GRINA: variants seen among roughly 807,000 people sequenced by gnomAD.
GRINA encodes protein lifeguard 1.
Under a neutral mutation model 42.5 loss-of-function variants are expected in GRINA, and 26 were observed. That is an observed-to-expected ratio of 0.61 (90% confidence interval 0.45 to 0.85). GRINA has a LOEUF of 0.85. Among genes scored for constraint, GRINA ranks in the 40% least tolerant of loss-of-function variants. The probability of loss-of-function intolerance (pLI) is 0.00; values close to 1 mark genes in which losing one functional copy is unlikely to be tolerated. For synonymous variants in GRINA, 256 were observed against 204.2 expected, an observed-to-expected ratio of 1.25 and a Z score of -2.17; for missense variants, 475 against 481.5, an observed-to-expected ratio of 0.99 and a Z score of 0.13.
chr8:143,991,498 G>T lies in GRINA; in HGVS notation c.275G>T (p.Gly92Val). The change falls in exon 2 of 7, where the codon GGC becomes GTC. Residue 92 changes from glycine (G) to valine (V), a missense_variant. Coordinates refer to ENST00000395068, the MANE Select transcript of GRINA (RefSeq NM_001009184.2). ...GPYPQEGYPQ[G>V]PYPQGGYPQG... ...TACCCACAAGAGGGCTACCCACAGG[G>T]CCCCTACCCCCAAGGGGGCTACCCC... The T allele has an allele frequency of 2.0e-6, 3 of 1,536,424 alleles. No individual in the cohort carries two copies. Among genetic ancestry groups the T allele is most frequent in the Non-Finnish European group, 1.7e-6 (2 of 1,147,040 alleles).
chr8:143,992,896 C>G lies in GRINA; in HGVS notation c.*55C>G. On this transcript the variant is annotated 3_prime_UTR_variant, in exon 7 of 7. Transcript: ENST00000395068. ...GTGGCACGGCTGGCCTGGACCCTGC[C>G]CCTGGCACGGCAGTGCCAGCTGTAC... 6.5e-7 allele frequency: 1 copy of G among 1,534,966 alleles called. No homozygotes were observed. Among genetic ancestry groups the G allele is most frequent in the Non-Finnish European group, 8.9e-7 (1 of 1,123,308 alleles).
chr8:143,993,124 T>C lies in GRINA; in HGVS notation c.*283T>C. ...TACTCATTGTTGCATGAGCCCTGTC[T>C]GCCAGCCCACCCCAGGGACTGGGGG... On this transcript the variant is annotated 3_prime_UTR_variant, in exon 7 of 7. Coordinates refer to ENST00000395068, the MANE Select transcript of GRINA (RefSeq NM_001009184.2). 1 of 397,942 alleles carries C rather than the reference T, an allele frequency of 2.5e-6. No individual in the cohort carries two copies. Among genetic ancestry groups the C allele is most frequent in the Non-Finnish European group, 4.7e-6 (1 of 214,930 alleles). 24.7% of individuals were successfully genotyped at this position (397,942 alleles called of 1,614,324 possible).
rs1409445192 is a variant in GRINA, at chr8:143,991,785, G to A, written c.473G>A (p.Arg158Gln). ...ACCAACTGGGATGACAAGAGCATCC[G>A]ACAGGCCTTCATCCGCAAGGTGGGT... ...PATNWDDKSI[R>Q]QAFIRKVFLV... Residue 158 changes from arginine (R) to glutamine (Q), a missense_variant, in exon 3 of 7, where the codon CGA (arginine) becomes CAA (glutamine). Transcript: ENST00000395068. The A allele has an allele frequency of 1.1e-5, 18 of 1,612,964 alleles. No individual in the cohort carries two copies. Among genetic ancestry groups the A allele is most frequent in the Non-Finnish European group, 1.4e-5 (16 of 1,179,082 alleles).
At chr8:143,991,173 C>T (rs373039569) in intron 1 of GRINA, 27 bp from the exon 2 acceptor site, 2 of 1,385,164 alleles carry the variant, frequency 1.4e-6, no homozygotes, top group African/African-American at 1.5e-5. Context: ...GCCAACTGTT[C>T]CACTGTTCCT....
Position 143,991,286 on chromosome 8 carries a change from T to C in GRINA, c.63T>C (p.Tyr21=). The C allele has an allele frequency of 6.0e-6, 9 of 1,499,638 alleles. No individual in the cohort carries two copies. Among genetic ancestry groups the C allele is most frequent in the Non-Finnish European group, 8.1e-6 (9 of 1,106,694 alleles). The allele number at this position is 1,499,638 out of a possible 1,614,324, so 92.9% of individuals were successfully genotyped here. Reference sequence around the variant, plus strand: ...ACTATCCTCCCCCCAACCCTGGATATCCGGGGGGGCCCCAGCCACCCATGC... The same window carrying C: ...ACTATCCTCCCCCCAACCCTGGATACCCGGGGGGGCCCCAGCCACCCATGC... ...GDNYPPPNPG[Y]PGGPQPPMPP... The change falls in exon 2 of 7, where the codon TAT becomes TAC. Residue 21 remains tyrosine, a synonymous_variant. Transcript: ENST00000395068.
rs782613466 is a variant in GRINA at position 143,992,678 on chromosome 8, G to T, written c.967-14G>T. 2 of 1,613,962 alleles carry T rather than the reference G, an allele frequency of 1.2e-6. No individual in the cohort carries two copies. ...CAGGCTTGTCCCTCAACACCACTGT[G>T]CTGTCACCTCCAGTTCCTCGCAGTG... On this transcript the variant is annotated splice_polypyrimidine_tract_variant and intron_variant, in intron 6 of 6. Transcript: ENST00000395068.
chr8:143,992,911 GC>G lies in GRINA; in HGVS notation c.*72del. ...TGGACCCTGCCCCTGGCACGGCAGT[GC>G]CAGCTGTACTTCCCCTCTCTCTTGT... On this transcript the variant is annotated 3_prime_UTR_variant, in exon 7 of 7. Transcript: ENST00000395068. 1 of 1,378,822 alleles carries G rather than the reference GC, an allele frequency of 7.3e-7. No homozygotes were observed. Among genetic ancestry groups the G allele is most frequent in the Non-Finnish European group, 1.0e-6 (1 of 993,952 alleles). 85.4% of individuals were successfully genotyped at this position (1,378,822 alleles called of 1,614,324 possible).
chr8:143,992,287 G>T lies in GRINA; in HGVS notation c.736G>T (p.Ala246Ser). The T allele has an allele frequency of 1.9e-6, 3 of 1,593,034 alleles. No homozygotes were observed. Among genetic ancestry groups the T allele is most frequent in the Non-Finnish European group, 8.6e-7 (1 of 1,167,776 alleles). Reference sequence around the variant, plus strand: ...CCTGTCGTACATGGTGGGGATGATCGCCAGCTTCTACAACACCGAGGCAGT... The same window carrying T: ...CCTGTCGTACATGGTGGGGATGATCTCCAGCTTCTACAACACCGAGGCAGT... The part of the protein sequence containing the change: ...ASLSYMVGMI[A>S]SFYNTEAVIM... The change falls in exon 5 of 7, where the codon GCC (alanine) becomes TCC (serine). Residue 246 changes from alanine (A) to serine (S), a missense_variant. Physicochemically the swap from Ala to Ser is moderately conservative, Grantham distance 99. Coordinates refer to ENST00000395068, the MANE Select transcript of GRINA (RefSeq NM_001009184.2).
At chr8:143,991,029 T>C in intron 1 of GRINA, 171 bp from the exon 2 acceptor site, 1 of 441,652 alleles carries the variant, frequency 2.3e-6, no homozygotes, top group Non-Finnish European at 4.0e-6. Flanking sequence ...CGTCCGGTCC[T>C]CACGCGCTTC....
chr8:143,991,542 A>C lies in GRINA; in HGVS notation c.319A>C (p.Ser107Arg). 1 of 1,503,348 alleles carries C rather than the reference A, an allele frequency of 6.7e-7. No individual in the cohort carries two copies. 93.1% of individuals were successfully genotyped at this position (1,503,348 alleles called of 1,614,324 possible). ...CTACCCCCAGGGGCCATATCCCCAG[A>C]GCCCCTTCCCCCCCAACCCCTATGG... ...GGYPQGPYPQ[S>R]PFPPNPYGQP... Residue 107 changes from serine (S) to arginine (R), a missense_variant, in exon 2 of 7, where the codon AGC becomes CGC. Ser to Arg is a moderately radical substitution (Grantham distance 110). Transcript: ENST00000395068.
chr8:143,992,214 C>G, intron 4 of GRINA, 31 bp from the exon 5 acceptor site: 1 of 1,603,212 alleles, frequency 6.2e-7, no homozygotes, highest in Non-Finnish European at 8.5e-7. Context: ...GGGGCACACA[C>G]CCAAGGTCAG....
Position 143,992,939 on chromosome 8 carries a change from C to T in GRINA, c.*98C>T. On this transcript the variant is annotated 3_prime_UTR_variant, in exon 7 of 7. Coordinates refer to ENST00000395068, the MANE Select transcript of GRINA (RefSeq NM_001009184.2). ...AGCTGTACTTCCCCTCTCTCTTGTC[C>T]CCAGGCACAGCCTAGGGAAAAGGAT... 2.2e-5 allele frequency: 23 copies of T among 1,023,206 alleles called. No homozygotes were observed. The highest frequency in any genetic ancestry group is 3.3e-5 in the Non-Finnish European group (23 of 692,260). The allele number at this position is 1,023,206 out of a possible 1,614,324, so 63.4% of individuals were successfully genotyped here.
rs782607968 is a variant in GRINA, at chr8:143,991,358, C to T, written c.135C>T (p.Pro45=). Residue 45 remains proline, a synonymous_variant, in exon 2 of 7, where the codon CCC becomes CCT. Transcript: ENST00000395068. ...PPYPGAPYPQ[P]PFQPSPYGQP... ...ACCCTGGGGCCCCTTACCCACAGCC[C>T]CCTTTCCAGCCCTCCCCCTACGGTC... 1.5e-5 allele frequency: 19 copies of T among 1,243,090 alleles called. No homozygotes were observed. The South Asian group carries it at 2.7e-4, about 18-fold the overall frequency. The allele number at this position is 1,243,090 out of a possible 1,614,324, so 77.0% of individuals were successfully genotyped here. A position where few individuals can be genotyped will look rare whatever the true frequency, so the allele number is the denominator to read the frequency against.
Position 143,992,966 on chromosome 8 carries a change from CCT to C in GRINA, c.*131_*132del, listed in dbSNP as rs1834126355. On this transcript the variant is annotated 3_prime_UTR_variant, in exon 7 of 7. Transcript: ENST00000395068. Reference sequence around the variant, plus strand: ...CAGGCACAGCCTAGGGAAAAGGATGCCTCTCTCCAACCCTCCTGTATGTACAC... The same window carrying C: ...CAGGCACAGCCTAGGGAAAAGGATGCCTCTCCAACCCTCCTGTATGTACAC... The C allele has an allele frequency of 2.6e-6, 2 of 783,824 alleles. No homozygotes were observed. Among genetic ancestry groups the C allele is most frequent in the African/African-American group, 3.5e-5 (2 of 57,530 alleles). 48.6% of individuals were successfully genotyped at this position (783,824 alleles called of 1,614,324 possible).
chr8:143,991,808 G>A lies in GRINA; in HGVS notation c.492+4G>A, dbSNP rs1554750556. On this transcript the variant is annotated splice_donor_region_variant and intron_variant, in intron 3 of 6. Transcript: ENST00000395068. Reference sequence around the variant, plus strand: ...CCGACAGGCCTTCATCCGCAAGGTGGGTAGGGGCATCTCCAAGGCGGTGGG... The same window carrying A: ...CCGACAGGCCTTCATCCGCAAGGTGAGTAGGGGCATCTCCAAGGCGGTGGG... 1.2e-6 allele frequency: 2 copies of A among 1,611,054 alleles called. No individual in the cohort carries two copies. Among genetic ancestry groups the A allele is most frequent in the Non-Finnish European group, 1.7e-6 (2 of 1,177,232 alleles).
At position 143,991,821 on chromosome 8, in the gene GRINA, C is replaced by T. The variant is rs199615064; in HGVS notation, c.492+17C>T. ...ATCCGCAAGGTGGGTAGGGGCATCT[C>T]CAAGGCGGTGGGGGCTGTGGCTCCC... On this transcript the variant is annotated intron_variant, in intron 3 of 6. Coordinates refer to ENST00000395068, the MANE Select transcript of GRINA (RefSeq NM_001009184.2). 1.1e-3 allele frequency: 1,796 copies of T among 1,609,356 alleles called. 18 individuals are homozygous for T. Among genetic ancestry groups the T allele is most frequent in the South Asian group, 0.01 (952 of 90,972 alleles).
Position 143,991,468 on chromosome 8 carries a change from G to C in GRINA, c.245G>C (p.Gly82Ala). 1 of 1,503,520 alleles carries C rather than the reference G, an allele frequency of 6.7e-7. No individual in the cohort carries two copies. Among genetic ancestry groups the C allele is most frequent in the Non-Finnish European group, 8.8e-7 (1 of 1,130,712 alleles). The allele number at this position is 1,503,520 out of a possible 1,614,324, so 93.1% of individuals were successfully genotyped here. A position where few individuals can be genotyped will look rare whatever the true frequency, so the allele number is the denominator to read the frequency against. Residue 82 changes from glycine to alanine, a missense_variant, in exon 2 of 7, where the codon GGC becomes GCC. Physicochemically the swap from Gly to Ala is moderately conservative, Grantham distance 60. Around this residue, in one of 2 missense-constraint regions of GRINA, gnomAD observed 321 missense variants for 267.2 expected, o/e 1.20. Coordinates refer to ENST00000395068, the MANE Select transcript of GRINA (RefSeq NM_001009184.2). ...TACCCCCAAGGGGGCTACCCACAGG[G>C]CCCCTACCCACAAGAGGGCTACCCA... is the stretch of plus-strand genomic sequence containing the variant. Reference protein sequence around the residue: ...GPYPQGGYPQGPYPQEGYPQG... With the variant: ...GPYPQGGYPQAPYPQEGYPQG...
chr8:143,991,463 A>G lies in GRINA; in HGVS notation c.240A>G (p.Pro80=), dbSNP rs1252571076. 8 of 1,489,978 alleles carry G rather than the reference A, an allele frequency of 5.4e-6. No individual in the cohort carries two copies. Among genetic ancestry groups the G allele is most frequent in the Non-Finnish European group, 7.1e-6 (8 of 1,123,690 alleles). 92.3% of individuals were successfully genotyped at this position (1,489,978 alleles called of 1,614,324 possible). The change falls in exon 2 of 7, where the codon CCA becomes CCG. Residue 80 remains proline (P), a synonymous_variant. Transcript: ENST00000395068. The part of the protein sequence containing the change: ...PQGPYPQGGY[P]QGPYPQEGYP... ...GTCCCTACCCCCAAGGGGGCTACCC[A>G]CAGGGCCCCTACCCACAAGAGGGCT...
intron 6 of GRINA, 39 bp downstream of exon 6, chr8:143,992,647 G>A (rs1554750755): frequency 1.2e-6 from 2 of 1,613,968 alleles, no homozygotes; most frequent in South Asian, 1.1e-5. Context: ...CGGGATGCTG[G>A]GCAGGCAGGC....
Sources: allele counts gnomAD v4.1 joint callset, GRCh38; gene constraint gnomAD v4.1.1; regional missense constraint gnomAD v4.1.1; transcripts MANE v1.5; gene names NCBI Gene and HGNC (gene_info 2026-07-23, HGNC 2026-07-21).